CDK19: variants seen among roughly 807,000 people sequenced by gnomAD.
The protein encoded by CDK19 is cyclin dependent kinase 19.
Under a neutral mutation model 68.3 loss-of-function variants are expected in CDK19, and 20 were observed. The observed-to-expected ratio is 0.29, with a 90% CI of 0.21 to 0.43. The LOEUF (loss-of-function observed/expected upper bound fraction) is 0.43, where lower values mean the gene tolerates loss of function less well. Among genes scored for constraint, CDK19 ranks in the 20% least tolerant of loss-of-function variants. The pLI is 1.00. For missense variants in CDK19, 339 were observed against 623.5 expected, an observed-to-expected ratio of 0.54 and a Z score of 4.86; for synonymous variants, 221 against 222.8, an observed-to-expected ratio of 0.99 and a Z score of 0.07.
At chr6:110,775,415 A>T (rs1780331150) in intron 1 of CDK19, among the ~76,000 whole-genome samples, 1 of 152,226 alleles carries the variant, frequency 6.6e-6, no homozygotes, top group South Asian at 2.1e-4. Flanking sequence ...ACAACGTAAA[A>T]GAAAAAAGGA....
At chr6:110,744,596 T>C (rs1777943555) in intron 2 of CDK19, among the ~76,000 whole-genome samples, 2 of 151,972 alleles carry the variant, frequency 1.3e-5, no homozygotes, top group Admixed American at 1.3e-4. Flanking sequence ...TAGAATTTTT[T>C]CATTCTGTTC....
intron 1 of CDK19, among the ~76,000 whole-genome samples, chr6:110,796,135 G>C (rs1382794765): frequency 6.6e-6 from 1 of 152,062 alleles, no homozygotes; most frequent in Non-Finnish European, 1.5e-5. Flanking sequence ...TCAAGAGATC[G>C]AGACCATCCT....
chr6:110,739,904 T>G (rs1235926197), intron 2 of CDK19, among the ~76,000 whole-genome samples: 1 of 151,980 alleles, frequency 6.6e-6, no homozygotes, highest in African/African-American at 2.4e-5. Flanking sequence ...TCTCCCAAAG[T>G]GCTGGGATTA....
At chr6:110,631,923 T>C (rs1779463534) in intron 6 of CDK19, 107 bp downstream of exon 6, 1 of 1,052,374 alleles carries the variant, frequency 9.5e-7, no homozygotes, top group Non-Finnish European at 1.4e-6. Flanking sequence ...AATAGGACTT[T>C]TACAAAAATG....
chr6:110,779,910 C>T (rs1780672026), intron 1 of CDK19, among the ~76,000 whole-genome samples: 1 of 151,780 alleles, frequency 6.6e-6, no homozygotes, highest in African/African-American at 2.4e-5. Context: ...CATGGTGAAA[C>T]CCTGTCTCTA....
At chr6:110,636,500 G>A (rs1779784883) in intron 5 of CDK19, among the ~76,000 whole-genome samples, 1 of 152,196 alleles carries the variant, frequency 6.6e-6, no homozygotes, top group Admixed American at 6.5e-5. Flanking sequence ...ATATAGACCA[G>A]CGGAGAAGAC....
At chr6:110,663,381 G>C (rs1781731250) in intron 4 of CDK19, among the ~76,000 whole-genome samples, 1 of 152,164 alleles carries the variant, frequency 6.6e-6, no homozygotes. Flanking sequence ...ATCTACTACA[G>C]AATGTATTTA....
chr6:110,640,673 A>G (rs1780088284), intron 4 of CDK19, among the ~76,000 whole-genome samples: 1 of 152,184 alleles, frequency 6.6e-6, no homozygotes, highest in Middle Eastern at 3.2e-3. Context: ...AAAAATGGTT[A>G]GGCGTGGTGG....
Position 110,622,180 on chromosome 6 carries a change from A to G in CDK19, c.1032-14T>C. On this transcript the variant is annotated splice_polypyrimidine_tract_variant and intron_variant, in intron 10 of 12. Transcript: ENST00000368911. ...CCGGCAAATACACTAAAAATCATTA[A>G]AAAGAAAAAACATATCATGATCTAA... 6.5e-7 allele frequency: 1 copy of G among 1,538,782 alleles called. No individual in the cohort carries two copies. The highest frequency in any genetic ancestry group is 8.9e-7 in the Non-Finnish European group (1 of 1,117,362).
chr6:110,642,234 G>A (rs560749331), intron 4 of CDK19, among the ~76,000 whole-genome samples: 1 of 151,862 alleles, frequency 6.6e-6, no homozygotes, highest in African/African-American at 2.4e-5. Flanking sequence ...CCGGAAAGCG[G>A]GAAAGCGGAG....
intron 1 of CDK19, among the ~76,000 whole-genome samples, chr6:110,809,924 G>A (rs1044002503): frequency 2.0e-5 from 3 of 152,134 alleles, no homozygotes; most frequent in African/African-American, 7.2e-5. Context: ...GGAGTACACC[G>A]AGTGATTAAG....
chr6:110,694,924 C>G (rs573867894), intron 2 of CDK19, among the ~76,000 whole-genome samples: 1 of 152,316 alleles, frequency 6.6e-6, no homozygotes, highest in Admixed American at 6.5e-5. Context: ...CGAGACTAGC[C>G]TGGCCAACAT....
intron 2 of CDK19, among the ~76,000 whole-genome samples, chr6:110,696,500 C>T (rs1339777704): frequency 6.6e-6 from 1 of 152,142 alleles, no homozygotes; most frequent in Non-Finnish European, 1.5e-5. Flanking sequence ...CTAGCCAGAG[C>T]AATCAGACAA....
intron 1 of CDK19, among the ~76,000 whole-genome samples, chr6:110,750,771 G>C (rs1583019721): frequency 6.6e-6 from 1 of 152,154 alleles, no homozygotes; most frequent in East Asian, 1.9e-4. Flanking sequence ...TAGATAAGAA[G>C]ACTTTTGAGT....
chr6:110,704,920 T>C (rs947345419), intron 2 of CDK19, among the ~76,000 whole-genome samples: 1 of 151,952 alleles, frequency 6.6e-6, no homozygotes, highest in African/African-American at 2.4e-5. Context: ...AAAGAGTGAA[T>C]AGGATTTAGT....
intron 1 of CDK19, among the ~76,000 whole-genome samples, chr6:110,778,144 T>G (rs754259176): frequency 1.3e-5 from 2 of 152,218 alleles, no homozygotes; most frequent in Non-Finnish European, 2.9e-5. Context: ...TTTCTTGTTA[T>G]GTTTATCACA....
chr6:110,623,902 T>C (rs1778912728), intron 8 of CDK19, among the ~76,000 whole-genome samples: 1 of 147,138 alleles, frequency 6.8e-6, no homozygotes, highest in South Asian at 2.1e-4. Context: ...TGTGTGTATA[T>C]ATATATACGT....
chr6:110,691,962 A>T (rs1455405774), intron 2 of CDK19, among the ~76,000 whole-genome samples: 2 of 149,608 alleles, frequency 1.3e-5, no homozygotes, highest in African/African-American at 2.4e-5. Context: ...CTCTATTTTA[A>T]AAAAAAAAGA....
At chr6:110,726,692 A>G (rs1286726426) in intron 2 of CDK19, among the ~76,000 whole-genome samples, 1 of 152,196 alleles carries the variant, frequency 6.6e-6, no homozygotes, top group Non-Finnish European at 1.5e-5. Context: ...AAGATAGATC[A>G]CTACACACTT....
Sources: gnomAD v4.1 joint callset for allele counts (sites outside exome capture counted in the v4.1 genomes callset) on GRCh38, gnomAD v4.1.1 for gene constraint, MANE v1.5 for transcripts, NCBI Gene and HGNC (gene_info 2026-07-23, HGNC 2026-07-21) for gene names.